The following MUC5B variants were observed in gnomAD, a reference collection of about 807,000 sequenced individuals.
MUC5B encodes mucin 5B, oligomeric mucus/gel-forming, also known as mucin-5B.
In MUC5B, 116 loss-of-function variants were observed where a neutral mutation model predicts 376.9. That is an observed-to-expected ratio of 0.31 (90% CI 0.26 to 0.36). The LOEUF is 0.36. MUC5B is among the 10% of genes least tolerant of loss of function. MUC5B has a pLI of 1.00. For synonymous variants in MUC5B, 3,517 were observed against 3,390.9 expected, an observed-to-expected ratio of 1.04 and a Z score of -1.29; for missense variants, 7,165 against 7,769.9, an observed-to-expected ratio of 0.92 and a Z score of 2.93.
chr11:1,233,270 T>A lies in MUC5B; in HGVS notation c.2321+2T>A. The A allele has an allele frequency of 6.4e-7, 1 of 1,555,780 alleles. No individual in the cohort carries two copies. The highest frequency in any genetic ancestry group is 1.4e-5 in the African/African-American group (1 of 73,972). The stretch of plus-strand genomic sequence containing the variant: ...GGTGCACGACGAGGGCGCCGTGTGG[T>A]AAGGGTCTGGGGGGAAAGCAGGCCC... On this transcript the variant is annotated splice_donor_variant, in intron 18 of 48. Transcript: ENST00000529681. LOFTEE classifies it high-confidence loss of function.
In MUC5B at chr11:1,257,718, G is replaced by A. The variant is rs55665964; in HGVS notation, c.16450+8G>A. ...GCCCCGAGACGGTGTGCGGTAAGAC[G>A]CTGCAGAGCAGAGGTGCCCGGCATA... On this transcript the variant is annotated splice_region_variant and intron_variant, in intron 41 of 48. Transcript: ENST00000529681. This position sits in a 1 kb window ranked among gnomAD's most constrained non-coding sequence, Gnocchi z 8.9. 39 of 1,540,432 alleles carry A rather than the reference G, an allele frequency of 2.5e-5. No individual in the cohort carries two copies. The highest frequency in any genetic ancestry group is 7.1e-5 in the South Asian group (6 of 84,546).
chr11:1,246,621 C>T lies in MUC5B; in HGVS notation c.9741C>T (p.Thr3247=), dbSNP rs201070734. 270 of 1,613,080 alleles carry T rather than the reference C, an allele frequency of 1.7e-4. 2 individuals are homozygous for T. The highest frequency in any genetic ancestry group is 3.3e-4 in the Middle Eastern group (2 of 6,060). The change falls in exon 31 of 49, where the codon ACC becomes ACT. Residue 3247 remains threonine (T), a synonymous_variant. Coordinates refer to ENST00000529681, the MANE Select transcript of MUC5B (RefSeq NM_002458.3). Reference sequence around the variant, plus strand: ...CCATCCCCTCTTCCTCCCTGGGCACCGCCTGGACCCGCCTATCACAGACCA... The same window carrying T: ...CCATCCCCTCTTCCTCCCTGGGCACTGCCTGGACCCGCCTATCACAGACCA... The part of the protein sequence containing the change: ...VTAIPSSSLG[T]AWTRLSQTTT...
rs1862702181 is a variant in MUC5B, at chr11:1,251,609, C to G, written c.14729C>G (p.Pro4910Arg). The G allele has an allele frequency of 1.2e-6, 2 of 1,612,892 alleles. No homozygotes were observed. The highest frequency in any genetic ancestry group is 1.1e-5 in the South Asian group (1 of 91,086). Reference protein sequence around the residue: ...VGTTRTPAVLPSSLPTFSVST... With the variant: ...VGTTRTPAVLRSSLPTFSVST... The stretch of plus-strand genomic sequence containing the variant: ...ACCACCCGCACCCCTGCAGTGCTCC[C>G]CAGCAGCCTGCCAACCTTCAGCGTG... Residue 4910 changes from proline (P) to arginine (R), a missense_variant, in exon 31 of 49, where the codon CCC (proline) becomes CGC (arginine). Coordinates refer to ENST00000529681, the MANE Select transcript of MUC5B (RefSeq NM_002458.3).
In MUC5B at chr11:1,250,572, G is replaced by A. The variant is rs1332412591; in HGVS notation, c.13692G>A (p.Val4564=). The A allele has an allele frequency of 1.2e-6, 2 of 1,613,054 alleles. No individual in the cohort carries two copies. The highest frequency in any genetic ancestry group is 2.2e-5 in the South Asian group (2 of 91,036). The stretch of plus-strand genomic sequence containing the variant: ...CAGAGACTGTCCACACCTCCACAGT[G>A]CTTACCGCCACGGCCACCACAACCG... ...STPETVHTST[V]LTATATTTGA... is the part of the protein sequence containing the mutation. Residue 4564 remains valine, a synonymous_variant, in exon 31 of 49, where the codon GTG becomes GTA. Coordinates refer to ENST00000529681, the MANE Select transcript of MUC5B (RefSeq NM_002458.3).
In MUC5B at chr11:1,253,075, G is replaced by T; in HGVS notation, c.15217+95G>T. 7.3e-7 allele frequency: 1 copy of T among 1,373,108 alleles called. No individual in the cohort carries two copies. The highest frequency in any genetic ancestry group is 1.0e-6 in the Non-Finnish European group (1 of 997,582). The allele number at this position is 1,373,108 out of a possible 1,614,324, so 85.1% of individuals were successfully genotyped here. On this transcript the variant is annotated intron_variant, in intron 33 of 48. Coordinates refer to ENST00000529681, the MANE Select transcript of MUC5B (RefSeq NM_002458.3). This position sits in a 1 kb window ranked among gnomAD's most constrained non-coding sequence, Gnocchi z 4.3. The stretch of plus-strand genomic sequence containing the variant: ...GCAGAATGGGGCATGGTGGGGCACA[G>T]TGGGGTGCAGTGGGGAATGGTGGGG...
Position 1,261,713 on chromosome 11 carries a change from T to C in MUC5B, c.*105T>C. ...CCTCTGCGGAGCCCCCCGGCCTGTG[T>C]GTGGCACCCCGCGCTCCGTGCTCCT... On this transcript the variant is annotated 3_prime_UTR_variant, in exon 49 of 49. Transcript: ENST00000529681. The C allele has an allele frequency of 8.5e-7, 1 of 1,169,700 alleles. No individual in the cohort carries two copies. The highest frequency in any genetic ancestry group is 1.2e-6 in the Non-Finnish European group (1 of 811,260). The allele number at this position is 1,169,700 out of a possible 1,614,324, so 72.5% of individuals were successfully genotyped here. A position where few individuals can be genotyped will look rare whatever the true frequency, so the allele number is the denominator to read the frequency against.
In MUC5B at chr11:1,250,082, C is replaced by T. The variant is rs770641834; in HGVS notation, c.13202C>T (p.Thr4401Ile). 10 of 1,595,152 alleles carry T rather than the reference C, an allele frequency of 6.3e-6. No individual in the cohort carries two copies. The highest frequency in any genetic ancestry group is 1.7e-4 in the Middle Eastern group (1 of 6,026). Reference protein sequence around the residue: ...ILTELTTAATTTAATGPTATP... With the variant: ...ILTELTTAATITAATGPTATP... Reference sequence around the variant, plus strand: ...ACAGAGCTGACCACAGCAGCCACTACAACTGCAGCCACTGGCCCCACGGCC... The same window carrying T: ...ACAGAGCTGACCACAGCAGCCACTATAACTGCAGCCACTGGCCCCACGGCC... Residue 4401 changes from threonine to isoleucine, a missense_variant, in exon 31 of 49, where the codon ACA becomes ATA. This residue lies in a region of MUC5B where 431 missense variants were observed against 390.4 expected (regional missense o/e 1.10). Transcript: ENST00000529681.
rs774333108 is a variant in MUC5B, at chr11:1,251,134, C to T, written c.14254C>T (p.Pro4752Ser). Residue 4752 changes from proline (P) to serine (S), a missense_variant, in exon 31 of 49, where the codon CCC (proline) becomes TCC (serine). This residue lies in a region of MUC5B where 730 missense variants were observed against 592.7 expected (regional missense o/e 1.23). Transcript: ENST00000529681. ...AAAATCCACAGCTACCAGCTTTACA[C>T]CCATCCCCTCCTCCACCCTGTGGAC... ...ATKSTATSFTPIPSSTLWTTW... is the reference protein window; with the variant it reads ...ATKSTATSFTSIPSSTLWTTW... 4 of 1,610,992 alleles carry T rather than the reference C, an allele frequency of 2.5e-6. No individual in the cohort carries two copies. In the Admixed American group the frequency reaches 6.7e-5, roughly 27 times the overall value.
rs765503097 is a variant in MUC5B, at chr11:1,241,944, G to A, written c.5064G>A (p.Val1688=). The stretch of plus-strand genomic sequence containing the variant: ...CCACAGAACCCACTGTCCCAGGGGT[G>A]GCCACATCCACCCTTCCAACACGCT... ...AGSTEPTVPG[V]ATSTLPTRSA... is the part of the protein sequence containing the mutation. Residue 1688 remains valine (V), a synonymous_variant, in exon 31 of 49, where the codon GTG becomes GTA. Coordinates refer to ENST00000529681, the MANE Select transcript of MUC5B (RefSeq NM_002458.3). The A allele has an allele frequency of 3.7e-6, 6 of 1,606,890 alleles. No homozygotes were observed. The highest frequency in any genetic ancestry group is 5.1e-6 in the Non-Finnish European group (6 of 1,177,026).
intron 34 of MUC5B, 116 bp from the exon 35 acceptor site, chr11:1,254,578 G>T (rs1445246478): frequency 7.9e-7 from 1 of 1,260,608 alleles, no homozygotes; most frequent in East Asian, 2.5e-5. Flanking sequence ...GGGCTTTGGG[G>T]TGGGGGATAC....
chr11:1,246,785 C>T lies in MUC5B; in HGVS notation c.9905C>T (p.Thr3302Ile). 6.2e-7 allele frequency: 1 copy of T among 1,611,258 alleles called. No homozygotes were observed. Among genetic ancestry groups the T allele is most frequent in the Non-Finnish European group, 8.5e-7 (1 of 1,178,494 alleles). Residue 3302 changes from threonine to isoleucine, a missense_variant, in exon 31 of 49, where the codon ACA becomes ATA. Thr to Ile is a moderately conservative substitution (Grantham distance 89). This residue lies in a region of MUC5B where 939 missense variants were observed against 770.6 expected (regional missense o/e 1.22). Coordinates refer to ENST00000529681, the MANE Select transcript of MUC5B (RefSeq NM_002458.3). ...GCCACCCCCTCCTCCACCCCAGGAA[C>T]AGCTCACACTACCAAAGTGCCGACT... ...SVATPSSTPG[T>I]AHTTKVPTTT... is the part of the protein sequence containing the mutation.
chr11:1,228,043 C>T (rs1381552983), intron 7 of MUC5B, among the ~76,000 whole-genome samples: 5 of 152,222 alleles, frequency 3.3e-5, no homozygotes, highest in Non-Finnish European at 5.9e-5. Flanking sequence ...AGGGTGGGCA[C>T]TCGGGAAGCC....
Position 1,230,513 on chromosome 11 carries a change from C to T in MUC5B, c.1383C>T (p.Thr461=), listed in dbSNP as rs757243091. Residue 461 remains threonine (T), a synonymous_variant, in exon 12 of 49, where the codon ACC becomes ACT. Coordinates refer to ENST00000529681, the MANE Select transcript of MUC5B (RefSeq NM_002458.3). ...LSKKCADSSF[T]VLAELRKCGL... ...AGAAATGTGCCGACAGCAGCTTCAC[C>T]GTGCTGGCTGAGCTGCGGAAGTGCG... 3.1e-6 allele frequency: 5 copies of T among 1,609,782 alleles called. No homozygotes were observed. Among genetic ancestry groups the T allele is most frequent in the African/African-American group, 1.3e-5 (1 of 74,888 alleles).
In MUC5B at chr11:1,252,511, TC is replaced by T; in HGVS notation, c.15035del (p.Pro5012LeufsTer5). 1 of 1,557,078 alleles carries T rather than the reference TC, an allele frequency of 6.4e-7. No homozygotes were observed. Among genetic ancestry groups the T allele is most frequent in the African/African-American group, 1.4e-5 (1 of 73,478 alleles). On this transcript the variant is annotated frameshift_variant, in exon 32 of 49. Transcript: ENST00000529681. LOFTEE classifies it high-confidence loss of function. The stretch of plus-strand genomic sequence containing the variant: ...CCTGCCCCTGGCTGTGACAATGCCA[TC>T]CCTCTCCGGCAGGTGGGCCCCGCCT... ...PSPAPGCDNA[I>X]PLRQVNETWT... is the part of the protein sequence containing the mutation.
At chr11:1,260,575 C>A in intron 47 of MUC5B, 51 bp from the exon 48 acceptor site, 2 of 1,546,458 alleles carry the variant, frequency 1.3e-6, no homozygotes, top group Non-Finnish European at 1.8e-6. Context: ...AAGTCCAGGC[C>A]CTCAGAGTGA....
intron 1 of MUC5B, 144 bp downstream of exon 1, chr11:1,223,337 G>A (rs571559651): frequency 4.2e-5 from 29 of 690,872 alleles, no homozygotes; most frequent in South Asian, 1.8e-4. Context: ...GACCCTACCC[G>A]TCCCCAACAC....
Position 1,226,637 on chromosome 11 carries a change from G to A in MUC5B, c.222G>A (p.Gly74=), listed in dbSNP as rs752934051. 1.9e-6 allele frequency: 3 copies of A among 1,611,220 alleles called. No individual in the cohort carries two copies. Among genetic ancestry groups the A allele is most frequent in the Non-Finnish European group, 2.5e-6 (3 of 1,179,268 alleles). ...SLSPLNPAHN[G]RVCSTWGDFH... ...CAGCCCTGAACCCGGCGCACAATGG[G>A]CGGGTGTGCAGCACCTGGGGTGACT... The change falls in exon 4 of 49, where the codon GGG becomes GGA. Residue 74 remains glycine, a synonymous_variant. Coordinates refer to ENST00000529681, the MANE Select transcript of MUC5B (RefSeq NM_002458.3).
At position 1,242,803 on chromosome 11, in the gene MUC5B, C is replaced by T. The variant is rs751483753; in HGVS notation, c.5923C>T (p.Pro1975Ser). The change falls in exon 31 of 49, where the codon CCC becomes TCC. Residue 1975 changes from proline to serine, a missense_variant. Around this residue, in one of 31 missense-constraint regions of MUC5B, gnomAD observed 897 missense variants for 779.6 expected, o/e 1.15. Transcript: ENST00000529681. ...AGCACTGAGAAGCACAGCCACCACA[C>T]CCACAGCTACCAGCGTTACACCCAT... is the stretch of plus-strand genomic sequence containing the variant. The part of the protein sequence containing the change: ...LPALRSTATT[P>S]TATSVTPIPS... The T allele has an allele frequency of 1.9e-6, 3 of 1,613,244 alleles. No individual in the cohort carries two copies. Among genetic ancestry groups the T allele is most frequent in the East Asian group, 2.2e-5 (1 of 44,862 alleles).
At position 1,242,696 on chromosome 11, in the gene MUC5B, T is replaced by A; in HGVS notation, c.5816T>A (p.Leu1939Gln). Residue 1939 changes from leucine to glutamine, a missense_variant, in exon 31 of 49, where the codon CTG becomes CAG. Around this residue, in one of 31 missense-constraint regions of MUC5B, gnomAD observed 897 missense variants for 779.6 expected, o/e 1.15. Coordinates refer to ENST00000529681, the MANE Select transcript of MUC5B (RefSeq NM_002458.3). ...TLRTAPPPKV[L>Q]TTTATTPTVT... ...AGAACAGCTCCCCCTCCCAAAGTGC[T>A]GACCACCACGGCCACCACACCCACA... 1 of 1,612,712 alleles carries A rather than the reference T, an allele frequency of 6.2e-7. No individual in the cohort carries two copies.
Sources: gnomAD v4.1 joint callset for allele counts (sites outside exome capture counted in the v4.1 genomes callset) on GRCh38, gnomAD v4.1.1 for gene constraint, gnomAD v4.1.1 regional missense constraint, Gnocchi (gnomAD v3.1) non-coding constraint, MANE v1.5 for transcripts, NCBI Gene and HGNC (gene_info 2026-07-23, HGNC 2026-07-21) for gene names.